Variants in TPCN1 observed in about 807,000 individuals in gnomAD.
TPCN1 encodes two pore channel protein 1.
A neutral mutation model predicts 108.8 loss-of-function variants in TPCN1; 52 were observed. The observed-to-expected ratio is 0.48, with a 90% CI of 0.38 to 0.60. The LOEUF is 0.60. Among genes scored for constraint, TPCN1 ranks in the 20% least tolerant of loss-of-function variants. The pLI is 0.00. For missense variants in TPCN1, 806 were observed against 1,072.8 expected, an observed-to-expected ratio of 0.75 and a Z score of 3.47; for synonymous variants, 446 against 433.7, an observed-to-expected ratio of 1.03 and a Z score of -0.35.
At position 113,278,206 on chromosome 12, in the gene TPCN1, A is replaced by G; in HGVS notation, c.1202A>G (p.Asp401Gly). 2 of 1,613,814 alleles carry G rather than the reference A, an allele frequency of 1.2e-6. No homozygotes were observed. The highest frequency in any genetic ancestry group is 1.7e-6 in the Non-Finnish European group (2 of 1,179,862). Reference protein sequence around the residue: ...TPLLSLKDFYDIYEVAALKWK... With the variant: ...TPLLSLKDFYGIYEVAALKWK... ...TTTGGTAGCCTAAAGGACTTTTACGATATCTACGAAGTTGCTGCTTTGAAG... is the reference window on the plus strand; with the variant it reads ...TTTGGTAGCCTAAAGGACTTTTACGGTATCTACGAAGTTGCTGCTTTGAAG... Residue 401 changes from aspartate (D) to glycine (G), a missense_variant, in exon 13 of 28, where the codon GAT (aspartate) becomes GGT (glycine). By Grantham distance (94) the Asp-to-Gly change is moderately conservative (BLOSUM62 -1). Transcript: ENST00000335509.
In TPCN1 at chr12:113,273,042, A is replaced by G. The variant is rs774625631; in HGVS notation, c.784-190A>G. On this transcript the variant is annotated intron_variant, in intron 8 of 27. Transcript: ENST00000335509. This position sits in a 1 kb window ranked among gnomAD's most constrained non-coding sequence, Gnocchi z 4.0. The stretch of plus-strand genomic sequence containing the variant: ...CAAGTCAATAGTTTGCTTCTGCCGG[A>G]AGCATCAGGTGCAGGAAAGGGGAGG... 2.0e-5 allele frequency among the ~76,000 whole-genome samples: 3 copies of G among 152,190 alleles called. No individual in the cohort carries two copies. Among genetic ancestry groups the G allele is most frequent in the Non-Finnish European group, 2.9e-5 (2 of 68,022 alleles).
chr12:113,241,575 G>C (rs1244700517), intron 2 of TPCN1, among the ~76,000 whole-genome samples: 1 of 152,200 alleles, frequency 6.6e-6, no homozygotes, highest in Non-Finnish European at 1.5e-5. Flanking sequence ...TCTTGCAGGG[G>C]AACCAGAGCG....
rs190953741 is a variant in TPCN1 at position 113,269,588 on chromosome 12, G to A, written c.660-169G>A. Among the ~76,000 whole-genome samples, 89 of 152,320 alleles carry A rather than the reference G, an allele frequency of 5.8e-4. 2 individuals carry two copies. The highest frequency in any genetic ancestry group is 2.1e-3 in the African/African-American group (87 of 41,568). On this transcript the variant is annotated intron_variant, in intron 6 of 27. Transcript: ENST00000335509. This position sits in a 1 kb window ranked among gnomAD's most constrained non-coding sequence, Gnocchi z 5.0. The stretch of plus-strand genomic sequence containing the variant: ...CTAGTTCTTCCCTGCCATCCGCTGA[G>A]TGGGGGTCTCAAGCCACTTTAGGAA...
At position 113,288,341 on chromosome 12, in the gene TPCN1, T is replaced by G. The variant is rs753415181; in HGVS notation, c.1706+107T>G. 36 of 1,554,534 alleles carry G rather than the reference T, an allele frequency of 2.3e-5. No homozygotes were observed. The highest frequency in any genetic ancestry group is 1.7e-4 in the Middle Eastern group (1 of 5,984). ...GGGGGAAAGGAGTTCCACAAAGGAC[T>G]GCAATCGAGGGCCTGACGGGGCTCC... is the stretch of plus-strand genomic sequence containing the variant. On this transcript the variant is annotated intron_variant, in intron 20 of 27. Transcript: ENST00000335509. This position sits in a 1 kb window ranked among gnomAD's most constrained non-coding sequence, Gnocchi z 4.8.
At chr12:113,242,952 C>T (rs1468654474) in intron 2 of TPCN1, among the ~76,000 whole-genome samples, 1 of 152,230 alleles carries the variant, frequency 6.6e-6, no homozygotes, top group Non-Finnish European at 1.5e-5. Flanking sequence ...TCCATGAGGG[C>T]GAGGGCCATG....
chr12:113,238,716 G>A (rs948234714), intron 2 of TPCN1, among the ~76,000 whole-genome samples: 2 of 152,104 alleles, frequency 1.3e-5, no homozygotes, highest in East Asian at 1.9e-4. Flanking sequence ...TGCTCTTCAC[G>A]GCACAGAGAC....
intron 2 of TPCN1, among the ~76,000 whole-genome samples, chr12:113,241,378 G>A (rs560308708): frequency 9.7e-4 from 148 of 152,366 alleles, no homozygotes; most frequent in African/African-American, 3.4e-3. Context: ...AGCAGATCCA[G>A]GTGCTGGGGC....
chr12:113,237,911 C>T lies in TPCN1; in HGVS notation c.112+10947C>T, dbSNP rs116228258. Among the ~76,000 whole-genome samples, 968 of 152,314 alleles carry T rather than the reference C, an allele frequency of 6.4e-3. 4 individuals are homozygous for T. The highest frequency in any genetic ancestry group is 0.023 in the African/African-American group (944 of 41,564). On this transcript the variant is annotated intron_variant, in intron 2 of 27. Coordinates refer to ENST00000335509, the MANE Select transcript of TPCN1 (RefSeq NM_017901.6). Reference sequence around the variant, plus strand: ...CTCCCTAATCCCACCACACCCAGCTCTTAGGATCAGAAAGTACGTTGAAGT... The same window carrying T: ...CTCCCTAATCCCACCACACCCAGCTTTTAGGATCAGAAAGTACGTTGAAGT...
intron 1 of TPCN1, among the ~76,000 whole-genome samples, chr12:113,222,829 A>G (rs1337823287): frequency 1.3e-5 from 2 of 152,222 alleles, no homozygotes. Context: ...GTTAAAACAT[A>G]GAAACCACTA....
chr12:113,278,383 A>C, intron 13 of TPCN1, 146 bp downstream of exon 13: 1 of 716,278 alleles, frequency 1.4e-6, no homozygotes, highest in Non-Finnish European at 2.5e-6. Flanking sequence ...CAGGGATCAC[A>C]GGTGGCCCCA....
chr12:113,291,024 T>C (rs1450113895), intron 23 of TPCN1, 26 bp downstream of exon 23: 1 of 1,611,412 alleles, frequency 6.2e-7, no homozygotes, highest in African/African-American at 1.3e-5. Flanking sequence ...GCTCTGGGGG[T>C]ATCTTCCCGC....
rs141169494 is a variant in TPCN1 at position 113,281,987 on chromosome 12, C to G, written c.1342+1792C>G. Among the ~76,000 whole-genome samples the G allele has an allele frequency of 6.8e-3, 972 of 143,982 alleles. 15 individuals carry two copies. Among genetic ancestry groups the G allele is most frequent in the African/African-American group, 0.023 (889 of 38,702 alleles). The allele number at this position is 143,982 out of a possible 152,430, so 94.5% of individuals were successfully genotyped here. A position where few individuals can be genotyped will look rare whatever the true frequency, so the allele number is the denominator to read the frequency against. Reference sequence around the variant, plus strand: ...CCAGGCTGTGGTGCAGTGGCATGATCTTGGCTCACTGCAACCTCTGCCTCC... The same window carrying G: ...CCAGGCTGTGGTGCAGTGGCATGATGTTGGCTCACTGCAACCTCTGCCTCC... On this transcript the variant is annotated intron_variant, in intron 15 of 27. Coordinates refer to ENST00000335509, the MANE Select transcript of TPCN1 (RefSeq NM_017901.6).
Position 113,266,344 on chromosome 12 carries a change from G to T in TPCN1, c.402G>T (p.Arg134=). ...AGGCCCCCGCCGTCCCCGCACTCCG[G>T]CTTGGCATCTATGTGAGCGCACATG... ...LCEAPAVPAL[R]LGIYVHATLE... Residue 134 remains arginine (R), a synonymous_variant, in exon 4 of 28, where the codon CGG becomes CGT. Coordinates refer to ENST00000335509, the MANE Select transcript of TPCN1 (RefSeq NM_017901.6). This position sits in a 1 kb window ranked among gnomAD's most constrained non-coding sequence, Gnocchi z 4.2. 6.2e-7 allele frequency: 1 copy of T among 1,607,748 alleles called. No homozygotes were observed. The highest frequency in any genetic ancestry group is 8.5e-7 in the Non-Finnish European group (1 of 1,179,974).
Position 113,273,710 on chromosome 12 carries a change from C to T in TPCN1, c.942+42C>T. ...CAGGCTACGCTGAAGCAGCCTGCCC[C>T]TACCCATGCAGCACTAGGCACTGTG... On this transcript the variant is annotated intron_variant, in intron 10 of 27. Transcript: ENST00000335509. This position sits in a 1 kb window ranked among gnomAD's most constrained non-coding sequence, Gnocchi z 4.0. The T allele has an allele frequency of 6.7e-7, 1 of 1,495,896 alleles. No homozygotes were observed. Among genetic ancestry groups the T allele is most frequent in the Non-Finnish European group, 9.3e-7 (1 of 1,073,784 alleles). The allele number at this position is 1,495,896 out of a possible 1,614,324, so 92.7% of individuals were successfully genotyped here.
In TPCN1 at chr12:113,284,675, C is replaced by T; in HGVS notation, c.1399+38C>T. On this transcript the variant is annotated intron_variant, in intron 16 of 27. Coordinates refer to ENST00000335509, the MANE Select transcript of TPCN1 (RefSeq NM_017901.6). The surrounding 1 kb of genome is among the most constrained non-coding windows in gnomAD (Gnocchi z 4.1). ...CAGGGACTGGCCGTGTCCTGGCCGG[C>T]ACACCTGGCTTACCTGTGAGCTGCT... The T allele has an allele frequency of 6.2e-7, 1 of 1,614,184 alleles. No homozygotes were observed. The highest frequency in any genetic ancestry group is 2.2e-5 in the East Asian group (1 of 44,884).
In TPCN1 at chr12:113,231,966, G is replaced by A. The variant is rs1953702468; in HGVS notation, c.112+5002G>A. 6.6e-6 allele frequency among the ~76,000 whole-genome samples: 1 copy of A among 152,206 alleles called. No homozygotes were observed. Among genetic ancestry groups the A allele is most frequent in the South Asian group, 2.1e-4 (1 of 4,832 alleles). On this transcript the variant is annotated intron_variant, in intron 2 of 27. Transcript: ENST00000335509. This position sits in a 1 kb window ranked among gnomAD's most constrained non-coding sequence, Gnocchi z 4.3. ...AATCAGGACGAGTCTGAATGTAGTG[G>A]GCAGTCCAAGGAATTTCCCAGGGTA...
At chr12:113,253,842 G>A (rs1264406874) in intron 2 of TPCN1, among the ~76,000 whole-genome samples, 1 of 152,186 alleles carries the variant, frequency 6.6e-6, no homozygotes, top group Non-Finnish European at 1.5e-5. Context: ...AGATAATGCG[G>A]TGGCCATTTA....
intron 2 of TPCN1, among the ~76,000 whole-genome samples, chr12:113,233,871 C>A (rs561599413): frequency 6.6e-6 from 1 of 152,140 alleles, no homozygotes. Flanking sequence ...ACTTTGACTT[C>A]CTTTGAACCC....
In TPCN1 at chr12:113,288,734, C is replaced by T. The variant is rs996233703; in HGVS notation, c.1707-24C>T. The T allele has an allele frequency of 1.2e-6, 2 of 1,610,202 alleles. No individual in the cohort carries two copies. The highest frequency in any genetic ancestry group is 1.7e-5 in the Admixed American group (1 of 60,018). ...CCGTTCCCTCCTGCCGGCCCCGCGT[C>T]ACCCTGCCCCTGTCGCCCCACAGCC... On this transcript the variant is annotated intron_variant, in intron 20 of 27. Coordinates refer to ENST00000335509, the MANE Select transcript of TPCN1 (RefSeq NM_017901.6). This position sits in a 1 kb window ranked among gnomAD's most constrained non-coding sequence, Gnocchi z 4.8.
Sources: allele counts gnomAD v4.1 joint callset (sites outside exome capture counted in the v4.1 genomes callset), GRCh38; gene constraint gnomAD v4.1.1; non-coding constraint Gnocchi (gnomAD v3.1); transcripts MANE v1.5; gene names NCBI Gene and HGNC (gene_info 2026-07-23, HGNC 2026-07-21).